Variants in LBX2 observed in about 807,000 individuals in gnomAD.
LBX2 encodes ladybird homeobox 2.
LBX2 carries 6 observed loss-of-function variants against 7.5 expected under a neutral mutation model. The ratio of observed to expected loss-of-function variants is 0.80; its 90% CI spans 0.44 to 1.59. The LOEUF is 1.59. Ranked by LOEUF, LBX2 falls within the 40% of genes most tolerant of loss-of-function variation. The pLI, the probability that LBX2 is intolerant of heterozygous loss-of-function variation, is 0.01. For missense variants in LBX2, 281 were observed against 282.0 expected, an observed-to-expected ratio of 1.00 and a Z score of 0.03; for synonymous variants, 143 against 133.2, an observed-to-expected ratio of 1.07 and a Z score of -0.51.
Position 74,497,745 on chromosome 2 carries a change from G to A in LBX2, c.*182C>T. 2 of 655,502 alleles carry A rather than the reference G, an allele frequency of 3.1e-6. No individual in the cohort carries two copies. Among genetic ancestry groups the A allele is most frequent in the South Asian group, 4.9e-5 (2 of 40,838 alleles). 40.6% of individuals were successfully genotyped at this position (655,502 alleles called of 1,614,324 possible). A position where few individuals can be genotyped will look rare whatever the true frequency, so the allele number is the denominator to read the frequency against. On this transcript the variant is annotated 3_prime_UTR_variant, in exon 2 of 2. Coordinates refer to ENST00000377566, the MANE Select transcript of LBX2 (RefSeq NM_001282430.2). ...GGCACTCCAGCCTGGGCGACAGAGCGAGGCCCTGTCTCAGACAACAAAACA... is the reference window on the plus strand; with the variant it reads ...GGCACTCCAGCCTGGGCGACAGAGCAAGGCCCTGTCTCAGACAACAAAACA...
In LBX2 at chr2:74,497,879, G is replaced by C; in HGVS notation, c.*48C>G. ...ACTCTGGCCAGAGGCAGAGCGCGAG[G>C]TGAGGAGTCCAGGGCCCCAGAGCCC... On this transcript the variant is annotated 3_prime_UTR_variant, in exon 2 of 2. Coordinates refer to ENST00000377566, the MANE Select transcript of LBX2 (RefSeq NM_001282430.2). 1 of 1,485,276 alleles carries C rather than the reference G, an allele frequency of 6.7e-7. No homozygotes were observed. Among genetic ancestry groups the C allele is most frequent in the South Asian group, 1.4e-5 (1 of 72,084 alleles). 92.0% of individuals were successfully genotyped at this position (1,485,276 alleles called of 1,614,324 possible). A position where few individuals can be genotyped will look rare whatever the true frequency, so the allele number is the denominator to read the frequency against.
Position 74,498,117 on chromosome 2 carries a change from C to T in LBX2, c.407G>A (p.Arg136Gln), listed in dbSNP as rs762893534. 2 of 1,612,528 alleles carry T rather than the reference C, an allele frequency of 1.2e-6. No individual in the cohort carries two copies. The highest frequency in any genetic ancestry group is 1.7e-6 in the Non-Finnish European group (2 of 1,179,380). ...NAQVVTWFQN[R>Q]RAKLKRDVEE... is the part of the protein sequence containing the mutation. The stretch of plus-strand genomic sequence containing the variant: ...CACATCGCGCTTGAGCTTGGCTCGC[C>T]GGTTCTGGAACCAAGTGACCACCTG... The change falls in exon 2 of 2, where the codon CGG becomes CAG. Residue 136 changes from arginine (R) to glutamine (Q), a missense_variant. Physicochemically the swap from Arg to Gln is conservative, Grantham distance 43. This residue lies in a region of LBX2 where 216 missense variants were observed against 208.7 expected (regional missense o/e 1.03). Coordinates refer to ENST00000377566, the MANE Select transcript of LBX2 (RefSeq NM_001282430.2).
chr2:74,500,048 G>A (rs1674452574), upstream of LBX2, among the ~76,000 whole-genome samples: 1 of 152,168 alleles, frequency 6.6e-6, no homozygotes, highest in African/African-American at 2.4e-5. Context: ...TCCTAACCTG[G>A]CTCCCTCTTC....
intron 1 of LBX2, 149 bp from the exon 2 acceptor site, chr2:74,498,467 T>A: frequency 1.5e-6 from 1 of 677,812 alleles, no homozygotes; most frequent in Non-Finnish European, 2.4e-6. Flanking sequence ...TGTGATCCCT[T>A]ATCGGGAGTC....
At chr2:74,499,665 G>A, upstream of LBX2, 4 of 972,932 alleles carry the variant, frequency 4.1e-6, no homozygotes, top group Non-Finnish European at 5.9e-6. This position sits in a 1 kb window ranked among gnomAD's most constrained non-coding sequence, Gnocchi z 4.6. Context: ...CCCGAGTCCC[G>A]TGTGCCCCTC....
At chr2:74,502,954 T>C (rs1674527988), upstream of LBX2, 2 of 1,096,894 alleles carry the variant, frequency 1.8e-6, no homozygotes, top group Admixed American at 5.0e-5. This position sits in a 1 kb window ranked among gnomAD's most constrained non-coding sequence, Gnocchi z 5.4. Flanking sequence ...CCTTTGGATG[T>C]GAGTCCTGGA....
chr2:74,498,299 C>T lies in LBX2; in HGVS notation c.225G>A (p.Ala75=). 1 of 1,554,088 alleles carries T rather than the reference C, an allele frequency of 6.4e-7. No homozygotes were observed. Among genetic ancestry groups the T allele is most frequent in the Non-Finnish European group, 8.7e-7 (1 of 1,153,196 alleles). Residue 75 remains alanine (A), a synonymous_variant, in exon 2 of 2, where the codon GCG becomes GCA. Transcript: ENST00000377566. ...QPSEGRAGPD[A]LGPGPFGRKR... is the part of the protein sequence containing the mutation. The stretch of plus-strand genomic sequence containing the variant: ...TGCGGCCGAAGGGACCAGGGCCCAG[C>T]GCGTCCGGACCTGCCCGCCCTGTAG...
At position 74,499,010 on chromosome 2, in the gene LBX2, G is replaced by A. The variant is rs1674425940; in HGVS notation, c.205+323C>T. On this transcript the variant is annotated intron_variant, in intron 1 of 1. Coordinates refer to ENST00000377566, the MANE Select transcript of LBX2 (RefSeq NM_001282430.2). The surrounding 1 kb of genome is among the most constrained non-coding windows in gnomAD (Gnocchi z 4.6). ...GCAGGCTCACTCGTTTACCGCCTGC[G>A]GCTGAAGCCTTTTGTCTCTTTCTCT... The A allele has an allele frequency of 2.6e-6, 1 of 388,756 alleles. No homozygotes were observed. 24.1% of individuals were successfully genotyped at this position (388,756 alleles called of 1,614,324 possible).
In LBX2 at chr2:74,498,249, A is replaced by T; in HGVS notation, c.275T>A (p.Phe92Tyr). ...GRKRRKSRTA[F>Y]TAQQVLELER... ...CAGCTCCAGCACCTGTTGCGCGGTG[A>T]ACGCAGTGCGTGACTTGCGCCGTTT... Residue 92 changes from phenylalanine to tyrosine, a missense_variant, in exon 2 of 2, where the codon TTC becomes TAC. Around this residue, in one of 3 missense-constraint regions of LBX2, gnomAD observed 216 missense variants for 208.7 expected, o/e 1.03. Coordinates refer to ENST00000377566, the MANE Select transcript of LBX2 (RefSeq NM_001282430.2). The T allele has an allele frequency of 1.2e-6, 2 of 1,602,322 alleles. No homozygotes were observed. Among genetic ancestry groups the T allele is most frequent in the Non-Finnish European group, 8.5e-7 (1 of 1,177,536 alleles).
In LBX2 at chr2:74,498,167, A is replaced by G. The variant is rs1389334743; in HGVS notation, c.357T>C (p.Ala119=). Residue 119 remains alanine, a synonymous_variant, in exon 2 of 2, where the codon GCT becomes GCC. Transcript: ENST00000377566. ...GCGCGTTGGCCAGGCCGAGTCGCGT[A>G]GCTAGCCCGTCTCGCTCGGACGGCG... The part of the protein sequence containing the change: ...YLAPSERDGL[A]TRLGLANAQV... The G allele has an allele frequency of 6.2e-7, 1 of 1,612,606 alleles. No homozygotes were observed. The highest frequency in any genetic ancestry group is 1.1e-5 in the South Asian group (1 of 91,020).
In LBX2 at chr2:74,497,801, T is replaced by A. The variant is rs537737726; in HGVS notation, c.*126A>T. 60 of 1,039,248 alleles carry A rather than the reference T, an allele frequency of 5.8e-5. No individual in the cohort carries two copies. In the African/African-American group the frequency reaches 8.3e-4, roughly 14 times the overall value. 64.4% of individuals were successfully genotyped at this position (1,039,248 alleles called of 1,614,324 possible). ...ACAAAAAAACCGGGAAAGGTGAGCG[T>A]CTGGACTGTGGGCCGGAAGAGGCCC... On this transcript the variant is annotated 3_prime_UTR_variant, in exon 2 of 2. Coordinates refer to ENST00000377566, the MANE Select transcript of LBX2 (RefSeq NM_001282430.2).
In LBX2 at chr2:74,499,139, G is replaced by A; in HGVS notation, c.205+194C>T. On this transcript the variant is annotated intron_variant, in intron 1 of 1. Transcript: ENST00000377566. The surrounding 1 kb of genome is among the most constrained non-coding windows in gnomAD (Gnocchi z 4.6). ...TTCCCTTGGCACTGGCGGCCTTCCGGAGCCGCCGCGGAACCTAGGGACTAA... is the reference window on the plus strand; with the variant it reads ...TTCCCTTGGCACTGGCGGCCTTCCGAAGCCGCCGCGGAACCTAGGGACTAA... 1.6e-6 allele frequency: 1 copy of A among 612,996 alleles called. No individual in the cohort carries two copies. The highest frequency in any genetic ancestry group is 2.9e-6 in the Non-Finnish European group (1 of 348,074). 38.0% of individuals were successfully genotyped at this position (612,996 alleles called of 1,614,324 possible).
chr2:74,502,600 G>A, upstream of LBX2: 4 of 1,513,032 alleles, frequency 2.6e-6, no homozygotes, highest in South Asian at 4.6e-5. The surrounding 1 kb of genome is among the most constrained non-coding windows in gnomAD (Gnocchi z 5.4). Flanking sequence ...CACACTTCTG[G>A]GATTGTTTTC....
rs1354448018 is a variant in LBX2, at chr2:74,498,461, A to AT, written c.206-144dup. 1.7e-5 allele frequency: 12 copies of AT among 696,824 alleles called. No individual in the cohort carries two copies. In the East Asian group the frequency reaches 2.8e-4, roughly 16 times the overall value. The allele number at this position is 696,824 out of a possible 1,614,324, so 43.2% of individuals were successfully genotyped here. ...AAGGCGGACGGAGACCAGAACTGTG[A>AT]TCCCTTATCGGGAGTCAGGCCCAGG... On this transcript the variant is annotated intron_variant, in intron 1 of 1. Transcript: ENST00000377566.
Position 74,498,304 on chromosome 2 carries a change from C to T in LBX2, c.220G>A (p.Asp74Asn), listed in dbSNP as rs778315613. ...LQPSEGRAGP[D>N]ALGPGPFGRK... Reference sequence around the variant, plus strand: ...CCGAAGGGACCAGGGCCCAGCGCGTCCGGACCTGCCCGCCCTGTAGGGATA... The same window carrying T: ...CCGAAGGGACCAGGGCCCAGCGCGTTCGGACCTGCCCGCCCTGTAGGGATA... Residue 74 changes from aspartate to asparagine, a missense_variant, in exon 2 of 2, where the codon GAC becomes AAC. Transcript: ENST00000377566. The T allele has an allele frequency of 1.6e-5, 25 of 1,545,116 alleles. No homozygotes were observed. Among genetic ancestry groups the T allele is most frequent in the Non-Finnish European group, 2.1e-5 (24 of 1,148,776 alleles).
chr2:74,500,843 C>G (rs115221497), upstream of LBX2, among the ~76,000 whole-genome samples: 39 of 152,332 alleles, frequency 2.6e-4, no homozygotes, highest in African/African-American at 9.4e-4. Flanking sequence ...CCAGGGAAGT[C>G]AGAAACTGAT....
At chr2:74,499,654 G>A, upstream of LBX2, 1 of 1,129,638 alleles carries the variant, frequency 8.9e-7, no homozygotes, top group East Asian at 2.6e-5. This position sits in a 1 kb window ranked among gnomAD's most constrained non-coding sequence, Gnocchi z 4.6. Flanking sequence ...CCGGCTCTGG[G>A]CCCGAGTCCC....
In LBX2 at chr2:74,499,257, G is replaced by T; in HGVS notation, c.205+76C>A. The T allele has an allele frequency of 1.5e-6, 2 of 1,356,832 alleles. No homozygotes were observed. The highest frequency in any genetic ancestry group is 1.3e-5 in the South Asian group (1 of 77,876). 84.0% of individuals were successfully genotyped at this position (1,356,832 alleles called of 1,614,324 possible). On this transcript the variant is annotated intron_variant, in intron 1 of 1. Transcript: ENST00000377566. This position sits in a 1 kb window ranked among gnomAD's most constrained non-coding sequence, Gnocchi z 4.6. The stretch of plus-strand genomic sequence containing the variant: ...GTGGGTGGCCTGGGCTGGGACAAAG[G>T]TTTGAGACGGGGAACCAGGAGGAGA...
rs1674426213 is a variant in LBX2, at chr2:74,499,023, T to G, written c.205+310A>C. 4.6e-6 allele frequency: 2 copies of G among 434,408 alleles called. 1 individual carries two copies. The highest frequency in any genetic ancestry group is 7.4e-5 in the South Asian group (2 of 27,020). The allele number at this position is 434,408 out of a possible 1,614,324, so 26.9% of individuals were successfully genotyped here. Reference sequence around the variant, plus strand: ...TTTACCGCCTGCGGCTGAAGCCTTTTGTCTCTTTCTCTCCTGCCTTTCTCT... The same window carrying G: ...TTTACCGCCTGCGGCTGAAGCCTTTGGTCTCTTTCTCTCCTGCCTTTCTCT... On this transcript the variant is annotated intron_variant, in intron 1 of 1. Coordinates refer to ENST00000377566, the MANE Select transcript of LBX2 (RefSeq NM_001282430.2). This position sits in a 1 kb window ranked among gnomAD's most constrained non-coding sequence, Gnocchi z 4.6.
Sources: gnomAD v4.1 joint callset for allele counts (sites outside exome capture counted in the v4.1 genomes callset) on GRCh38, gnomAD v4.1.1 for gene constraint, gnomAD v4.1.1 regional missense constraint, Gnocchi (gnomAD v3.1) non-coding constraint, MANE v1.5 for transcripts, NCBI Gene and HGNC (gene_info 2026-07-23, HGNC 2026-07-21) for gene names.